The following IGDCC4 variants were observed in gnomAD, a reference collection of about 807,000 sequenced individuals.
IGDCC4 encodes immunoglobulin superfamily DCC subclass member 4.
IGDCC4 carries 72 observed loss-of-function variants against 116.6 expected under a neutral mutation model. That is an observed-to-expected ratio of 0.62 (90% CI 0.51 to 0.75). The LOEUF (loss-of-function observed/expected upper bound fraction) is 0.75. Among genes scored for constraint, IGDCC4 ranks in the 30% least tolerant of loss-of-function variants. The pLI is 0.00. For synonymous variants in IGDCC4, 709 were observed against 719.9 expected, an observed-to-expected ratio of 0.98 and a Z score of 0.24; for missense variants, 1,501 against 1,662.4, an observed-to-expected ratio of 0.90 and a Z score of 1.69.
At position 65,394,426 on chromosome 15, in the gene IGDCC4, C is replaced by T. The variant is rs760971423; in HGVS notation, c.1699G>A (p.Gly567Ser). The T allele has an allele frequency of 1.1e-5, 17 of 1,614,072 alleles. No homozygotes were observed. The highest frequency in any genetic ancestry group is 1.7e-4 in the Middle Eastern group (1 of 6,058). Residue 567 changes from glycine (G) to serine (S), a missense_variant, in exon 9 of 20, where the codon GGT becomes AGT. Around this residue, in one of 3 missense-constraint regions of IGDCC4, gnomAD observed 898 missense variants for 978.9 expected, o/e 0.92. Transcript: ENST00000352385. ...CCCCACTCACCTTCCTTTCCCAAAC[C>T]GTATTCTATCTTGTACTTCACCACC... Reference protein sequence around the residue: ...GQVVKYKIEYGLGKEDQIFST... With the variant: ...GQVVKYKIEYSLGKEDQIFST...
intron 17 of IGDCC4, 80 bp from the exon 18 acceptor site, chr15:65,386,139 C>G: frequency 1.1e-6 from 1 of 907,894 alleles, no homozygotes; most frequent in Non-Finnish European, 1.7e-6. Flanking sequence ...CAGCCTATGT[C>G]TCTGGGGAGG....
rs78092870 is a variant in IGDCC4 at position 65,392,947 on chromosome 15, A to T, written c.1885+414T>A. On this transcript the variant is annotated intron_variant, in intron 10 of 19. Transcript: ENST00000352385. ...TGAAGCTCAGAGAGTTAAGTAATTT[A>T]CCTAGTGTCGCATAGAGAGCATGTA... Among the ~76,000 whole-genome samples, 1,001 of 152,324 alleles carry T rather than the reference A, an allele frequency of 6.6e-3. 3 individuals carry two copies. The highest frequency in any genetic ancestry group is 0.014 in the Middle Eastern group (4 of 294).
intron 15 of IGDCC4, 81 bp downstream of exon 15, chr15:65,388,727 A>C: frequency 6.2e-7 from 1 of 1,600,946 alleles, no homozygotes; most frequent in South Asian, 1.1e-5. Flanking sequence ...CCCTGGAACA[A>C]ACCCCAGCAC....
At chr15:65,399,594 C>A (rs1301201795) in intron 5 of IGDCC4, among the ~76,000 whole-genome samples, 1 of 152,032 alleles carries the variant, frequency 6.6e-6, no homozygotes, top group Non-Finnish European at 1.5e-5. Flanking sequence ...CTAGGTGATA[C>A]CACAAGTTTA....
At position 65,411,081 on chromosome 15, in the gene IGDCC4, C is replaced by G. The variant is rs764813803; in HGVS notation, c.360G>C (p.Ser120=). The change falls in exon 2 of 20, where the codon TCG becomes TCC. Residue 120 remains serine, a synonymous_variant. Transcript: ENST00000352385. ...EAVGVIEGNY[S]CLAHGPLGVL... is the part of the protein sequence containing the mutation. Reference sequence around the variant, plus strand: ...CTCCGAGGGGGCCGTGGGCTAGGCACGAATAGTTGCCTTCAATGACCCCCA... The same window carrying G: ...CTCCGAGGGGGCCGTGGGCTAGGCAGGAATAGTTGCCTTCAATGACCCCCA... The G allele has an allele frequency of 6.2e-7, 1 of 1,614,160 alleles. No individual in the cohort carries two copies. The highest frequency in any genetic ancestry group is 1.3e-5 in the African/African-American group (1 of 75,066).
chr15:65,394,974 G>A (rs180992138), intron 8 of IGDCC4, 120 bp downstream of exon 8: 54 of 1,110,172 alleles, frequency 4.9e-5, no homozygotes, highest in Admixed American at 2.0e-4. Context: ...TCTCTTACGG[G>A]GCACAAAAGA....
At chr15:65,398,409 C>T (rs1392555439) in intron 5 of IGDCC4, among the ~76,000 whole-genome samples, 1 of 151,654 alleles carries the variant, frequency 6.6e-6, no homozygotes, top group South Asian at 2.1e-4. Context: ...TGGTGCATGC[C>T]TGTAATCCCA....
At chr15:65,412,170 G>A (rs147218238) in intron 1 of IGDCC4, among the ~76,000 whole-genome samples, 3 of 152,130 alleles carry the variant, frequency 2.0e-5, no homozygotes, top group Non-Finnish European at 4.4e-5. Flanking sequence ...AGTGAGCCAC[G>A]ATCACGACAC....
intron 2 of IGDCC4, 66 bp downstream of exon 2, chr15:65,410,954 G>T: frequency 1.5e-6 from 2 of 1,322,128 alleles, no homozygotes; most frequent in South Asian, 1.4e-5. Context: ...ACTAACTGCA[G>T]ATCCCACTTC....
At chr15:65,385,772 C>T in intron 18 of IGDCC4, 59 bp downstream of exon 18, 1 of 1,384,288 alleles carries the variant, frequency 7.2e-7, no homozygotes, top group East Asian at 2.3e-5. Flanking sequence ...ACGCGTTGTG[C>T]TCTGTCGCCC....
At chr15:65,386,932 T>C (rs529389564) in intron 16 of IGDCC4, among the ~76,000 whole-genome samples, 2 of 152,340 alleles carry the variant, frequency 1.3e-5, no homozygotes, top group African/African-American at 4.8e-5. Flanking sequence ...CTCCCAGGGC[T>C]GTTGCATGGG....
rs2062921364 is a variant in IGDCC4, at chr15:65,395,990, C to G, written c.1171G>C (p.Val391Leu). 6.4e-7 allele frequency: 1 copy of G among 1,557,354 alleles called. No homozygotes were observed. Among genetic ancestry groups the G allele is most frequent in the African/African-American group, 1.4e-5 (1 of 71,726 alleles). Residue 391 changes from valine (V) to leucine (L), a missense_variant, in exon 7 of 20, where the codon GTC (valine) becomes CTC (leucine). Coordinates refer to ENST00000352385, the MANE Select transcript of IGDCC4 (RefSeq NM_020962.3). Reference sequence around the variant, plus strand: ...TCCTGCAGGCCGATCTGTGTGATGACCAGGCTGCCACCGCCGCCCTGGACC... The same window carrying G: ...TCCTGCAGGCCGATCTGTGTGATGAGCAGGCTGCCACCGCCGCCCTGGACC... Reference protein sequence around the residue: ...VKVQGGGGSLVITQIGLQDAG... With the variant: ...VKVQGGGGSLLITQIGLQDAG...
intron 3 of IGDCC4, among the ~76,000 whole-genome samples, chr15:65,403,280 C>T (rs1208182926): frequency 6.6e-6 from 1 of 152,180 alleles, no homozygotes; most frequent in Non-Finnish European, 1.5e-5. Context: ...CAAATGTGTT[C>T]TGGTACAAAA....
At chr15:65,416,224 G>A (rs1249833433) in intron 1 of IGDCC4, among the ~76,000 whole-genome samples, 3 of 124,686 alleles carry the variant, frequency 2.4e-5, no homozygotes, top group South Asian at 2.7e-4. Flanking sequence ...TGCAAGCTCC[G>A]CCTCCCGGGT....
At position 65,387,594 on chromosome 15, in the gene IGDCC4, G is replaced by A. The variant is rs1467853160; in HGVS notation, c.2845+855C>T. Among the ~76,000 whole-genome samples the A allele has an allele frequency of 2.6e-5, 4 of 151,880 alleles. No homozygotes were observed. The East Asian group carries it at 5.8e-4, about 22-fold the overall frequency. ...TCTCGATCTCCTGACATCATGATCCGCCCGCACCTTGGCCTCCCAAAGTGC... is the reference window on the plus strand; with the variant it reads ...TCTCGATCTCCTGACATCATGATCCACCCGCACCTTGGCCTCCCAAAGTGC... On this transcript the variant is annotated intron_variant, in intron 16 of 19. Coordinates refer to ENST00000352385, the MANE Select transcript of IGDCC4 (RefSeq NM_020962.3).
chr15:65,403,870 G>T (rs771234636), intron 3 of IGDCC4, among the ~76,000 whole-genome samples: 6 of 152,168 alleles, frequency 3.9e-5, no homozygotes, highest in Non-Finnish European at 8.8e-5. Context: ...TCTCCATGGG[G>T]GTTGGGGTGG....
chr15:65,393,636 G>C lies in IGDCC4; in HGVS notation c.1715-105C>G. ...CTCACATCCCGGTTCCTCCGTGCCCGTGGGAGCCTGAGGCGTTCTCAGCAC... is the reference window on the plus strand; with the variant it reads ...CTCACATCCCGGTTCCTCCGTGCCCCTGGGAGCCTGAGGCGTTCTCAGCAC... On this transcript the variant is annotated intron_variant, in intron 9 of 19. Coordinates refer to ENST00000352385, the MANE Select transcript of IGDCC4 (RefSeq NM_020962.3). The surrounding 1 kb of genome is among the most constrained non-coding windows in gnomAD (Gnocchi z 4.6). 2.4e-6 allele frequency: 3 copies of C among 1,227,966 alleles called. No individual in the cohort carries two copies. The East Asian group carries it at 7.3e-5, about 30-fold the overall frequency. The allele number at this position is 1,227,966 out of a possible 1,614,324, so 76.1% of individuals were successfully genotyped here.
At chr15:65,413,727 AG>A (rs1439233877) in intron 1 of IGDCC4, among the ~76,000 whole-genome samples, 1 of 152,220 alleles carries the variant, frequency 6.6e-6, no homozygotes, top group Non-Finnish European at 1.5e-5. Flanking sequence ...GAGAGGAACC[AG>A]GGCCAGAGGT....
intron 3 of IGDCC4, among the ~76,000 whole-genome samples, chr15:65,406,958 C>G (rs1248192923): frequency 6.6e-6 from 1 of 152,138 alleles, no homozygotes; most frequent in Non-Finnish European, 1.5e-5. Flanking sequence ...AGTTGGACTA[C>G]AGATTTCTAA....
Sources: gnomAD v4.1 joint callset for allele counts (sites outside exome capture counted in the v4.1 genomes callset) on GRCh38, gnomAD v4.1.1 for gene constraint, gnomAD v4.1.1 regional missense constraint, Gnocchi (gnomAD v3.1) non-coding constraint, MANE v1.5 for transcripts, NCBI Gene and HGNC (gene_info 2026-07-23, HGNC 2026-07-21) for gene names.